Variants in CAPRIN2 observed in about 807,000 individuals in gnomAD.
The protein encoded by CAPRIN2 is caprin family member 2.
A neutral mutation model predicts 130.4 loss-of-function variants in CAPRIN2; 66 were observed. The ratio of observed to expected loss-of-function variants is 0.51; its 90% CI spans 0.42 to 0.62. The LOEUF is 0.62. Ranked by LOEUF, CAPRIN2 falls within the 20% of genes least tolerant of loss-of-function variation. The pLI, the probability that CAPRIN2 is intolerant of heterozygous loss-of-function variation, is 0.00. For synonymous variants in CAPRIN2, 471 were observed against 444.1 expected, an observed-to-expected ratio of 1.06 and a Z score of -0.76; for missense variants, 1,185 against 1,246.6, an observed-to-expected ratio of 0.95 and a Z score of 0.74.
intron 3 of CAPRIN2, among the ~76,000 whole-genome samples, chr12:30,740,286 A>T (rs1157317354): frequency 9.9e-6 from 1 of 100,830 alleles, no homozygotes; most frequent in Non-Finnish European, 2.6e-5. Flanking sequence ...TAATAAAAAA[A>T]TATAAATTTT....
exon 1 of CAPRIN2, chr12:30,753,466 C>A: frequency 6.2e-7 from 1 of 1,614,166 alleles, no homozygotes; most frequent in Non-Finnish European, 8.5e-7. Context: ...GGGCTCAAGG[C>A]CCGCTGGCTT....
At chr12:30,734,112 A>G (rs979101757) in intron 4 of CAPRIN2, among the ~76,000 whole-genome samples, 4 of 152,234 alleles carry the variant, frequency 2.6e-5, no homozygotes, top group Admixed American at 1.3e-4. Flanking sequence ...CTTATATTTC[A>G]TATATTAAAG....
chr12:30,711,164 A>T (rs78112224), intron 16 of CAPRIN2, among the ~76,000 whole-genome samples: 7,059 of 152,238 alleles, frequency 0.046, 540 homozygotes, highest in African/African-American at 0.16. Context: ...CTATTCTGCT[A>T]TTGTCTCAAG....
intron 13 of CAPRIN2, chr12:30,715,382 C>A (rs1264830959): frequency 1.8e-5 from 11 of 600,302 alleles, no homozygotes; most frequent in South Asian, 1.5e-4. Flanking sequence ...CATGAATGAA[C>A]CCTTAAGACA....
chr12:30,744,605 G>GTTC (rs2069067335), intron 2 of CAPRIN2, among the ~76,000 whole-genome samples: 1 of 151,986 alleles, frequency 6.6e-6, no homozygotes, highest in Non-Finnish European at 1.5e-5. Context: ...CTTAACTAAA[G>GTTC]TTCTTCCTTT....
rs1447759982 is a variant in CAPRIN2 at position 30,753,418 on chromosome 12, G to A, written c.346C>T (p.Gln116Ter). The A allele has an allele frequency of 3.1e-6, 5 of 1,613,984 alleles. No homozygotes were observed. The highest frequency in any genetic ancestry group is 4.2e-6 in the Non-Finnish European group (5 of 1,179,986). The stretch of plus-strand genomic sequence containing the variant: ...TTTTCAATATAGGTCTCATACGCTT[G>A]GGAAGGAGATGCAGCAGAACTCAGA... Residue 116 changes from glutamine (Q) to a stop codon, truncating the protein, a stop_gained, in exon 1 of 17, where the codon CAA (glutamine) becomes TAA (stop). Coordinates refer to ENST00000298892, the Ensembl canonical transcript of CAPRIN2. LOFTEE classifies it high-confidence loss of function.
At chr12:30,754,890 C>A, upstream of CAPRIN2, 1 of 152,336 alleles carries the variant, frequency 6.6e-6, no homozygotes, top group South Asian at 1.9e-4. Flanking sequence ...TCTCCCCTCC[C>A]GGTCCTCGCC....
At chr12:30,729,217 C>T (rs2061828060) in exon 8 of CAPRIN2, 1 of 1,613,646 alleles carries the variant, frequency 6.2e-7, no homozygotes, top group Admixed American at 1.7e-5. Context: ...GTAAGCATAT[C>T]CCAACGTTTT....
chr12:30,726,108 T>C lies in CAPRIN2; in HGVS notation c.1783-20A>G, dbSNP rs2060851175. On this transcript the variant is annotated intron_variant, in intron 8 of 16. Transcript: ENST00000298892. ...AGGCACCTACAAGATAAACCCATAA[T>C]GTGTAAGAGTGAAATGCAAATTCAA... 1 of 1,405,744 alleles carries C rather than the reference T, an allele frequency of 7.1e-7. No homozygotes were observed. The highest frequency in any genetic ancestry group is 9.4e-7 in the Non-Finnish European group (1 of 1,069,190). 87.1% of individuals were successfully genotyped at this position (1,405,744 alleles called of 1,614,324 possible). A position where few individuals can be genotyped will look rare whatever the true frequency, so the allele number is the denominator to read the frequency against.
chr12:30,729,454 T>A, intron 7 of CAPRIN2, 129 bp from the exon 9 acceptor site: 1 of 614,888 alleles, frequency 1.6e-6, no homozygotes, highest in South Asian at 3.2e-5. Flanking sequence ...TCTGTCCTTA[T>A]TCTACTTGAA....
intron 8 of CAPRIN2, among the ~76,000 whole-genome samples, chr12:30,726,324 G>T (rs2060907773): frequency 6.6e-6 from 1 of 152,128 alleles, no homozygotes; most frequent in Non-Finnish European, 1.5e-5. Flanking sequence ...TTAAAGGGAA[G>T]ATCCAGCAGA....
chr12:30,726,064 C>A, exon 9 of CAPRIN2: 1 of 1,580,786 alleles, frequency 6.3e-7, no homozygotes, highest in South Asian at 1.2e-5. Flanking sequence ...GAAGAACCTA[C>A]AGGCTGATGC....
At chr12:30,726,534 A>G (rs1395908249) in intron 8 of CAPRIN2, among the ~76,000 whole-genome samples, 1 of 152,216 alleles carries the variant, frequency 6.6e-6, no homozygotes, top group Non-Finnish European at 1.5e-5. Context: ...AAGTACATAC[A>G]TACACATACC....
chr12:30,710,011 A>G lies in CAPRIN2; in HGVS notation c.3125T>C (p.Leu1042Pro). The G allele has an allele frequency of 6.2e-7, 1 of 1,614,156 alleles. No individual in the cohort carries two copies. The highest frequency in any genetic ancestry group is 8.5e-7 in the Non-Finnish European group (1 of 1,180,038). ...TATCTGGTCTCCCTGGAAGAGCTGA[A>G]GAATTGCATGATTGCTAGCAGTTTC... Residue 1042 changes from leucine (L) to proline (P), a missense_variant, in exon 17 of 17, where the codon CTT becomes CCT. Physicochemically the swap from Leu to Pro is moderately conservative, Grantham distance 98. Coordinates refer to ENST00000298892, the Ensembl canonical transcript of CAPRIN2. The surrounding 1 kb of genome is among the most constrained non-coding windows in gnomAD (Gnocchi z 4.8).
At chr12:30,726,486 G>A (rs187297064) in intron 8 of CAPRIN2, among the ~76,000 whole-genome samples, 2 of 152,150 alleles carry the variant, frequency 1.3e-5, no homozygotes, top group East Asian at 3.9e-4. Context: ...GTTTTAAGAT[G>A]TATCTGATTT....
At chr12:30,713,685 A>G in intron 15 of CAPRIN2, 100 bp downstream of exon 17, 2 of 678,074 alleles carry the variant, frequency 2.9e-6, no homozygotes, top group Admixed American at 4.8e-5. Flanking sequence ...CTAAGAGTGC[A>G]CTTTCAGAAA....
At chr12:30,740,119 A>C (rs1245463730) in intron 3 of CAPRIN2, among the ~76,000 whole-genome samples, 1 of 152,082 alleles carries the variant, frequency 6.6e-6, no homozygotes, top group Non-Finnish European at 1.5e-5. Flanking sequence ...TATAAAGAAA[A>C]ATAGGCCAGG....
Position 30,726,102 on chromosome 12 carries a change from C to A in CAPRIN2, c.1783-14G>T. 6.8e-7 allele frequency: 1 copy of A among 1,467,328 alleles called. No individual in the cohort carries two copies. Among genetic ancestry groups the A allele is most frequent in the Non-Finnish European group, 9.1e-7 (1 of 1,101,654 alleles). The allele number at this position is 1,467,328 out of a possible 1,614,324, so 90.9% of individuals were successfully genotyped here. ...AGGCTTAGGCACCTACAAGATAAAC[C>A]CATAATGTGTAAGAGTGAAATGCAA... On this transcript the variant is annotated splice_polypyrimidine_tract_variant and intron_variant, in intron 8 of 16. Transcript: ENST00000298892.
intron 11 of CAPRIN2, among the ~76,000 whole-genome samples, 191 bp downstream of exon 12, chr12:30,723,068 A>G (rs552810943): frequency 1.3e-5 from 2 of 152,314 alleles, no homozygotes; most frequent in East Asian, 1.9e-4. Flanking sequence ...AACCTGTACT[A>G]TATGTTTTCA....
Sources: gnomAD v4.1 joint callset for allele counts (sites outside exome capture counted in the v4.1 genomes callset) on GRCh38, gnomAD v4.1.1 for gene constraint, Gnocchi (gnomAD v3.1) non-coding constraint, MANE v1.5 for transcripts, NCBI Gene and HGNC (gene_info 2026-07-23, HGNC 2026-07-21) for gene names.